Variants in ALPK1 observed in about 807,000 individuals in gnomAD.
The protein encoded by ALPK1 is alpha-protein kinase 1.
A neutral mutation model predicts 120.6 loss-of-function variants in ALPK1; 110 were observed. The ratio of observed to expected loss-of-function variants is 0.91; its 90% confidence interval spans 0.78 to 1.07. The LOEUF (loss-of-function observed/expected upper bound fraction) is 1.07, where lower values mean the gene tolerates loss of function less well. ALPK1 is among the 50% of genes least tolerant of loss of function. ALPK1 has a pLI of 0.00. For synonymous variants in ALPK1, 582 were observed against 560.3 expected (o/e 1.04, Z -0.55); for missense variants, 1,498 against 1,483.9 (o/e 1.01, Z -0.16).
chr4:112,347,734 A>T (rs1451534377), intron 2 of ALPK1, among the ~76,000 whole-genome samples: 2 of 152,258 alleles, frequency 1.3e-5, no homozygotes, highest in African/African-American at 4.8e-5. Flanking sequence ...AGAAGTTTAC[A>T]GATACAGTGC....
At chr4:112,304,177 C>A (rs928384685) in intron 1 of ALPK1, among the ~76,000 whole-genome samples, 1 of 151,334 alleles carries the variant, frequency 6.6e-6, no homozygotes, top group African/African-American at 2.5e-5. Context: ...GGTTCCAAGT[C>A]TTTGCTATTG....
In ALPK1 at chr4:112,345,792, T is replaced by A. The variant is rs140891943; in HGVS notation, c.-101+29940T>A. On this transcript the variant is annotated intron_variant, in intron 2 of 15. Transcript: ENST00000650871. ...TTTACATCTTTAATTTCTCCCCAGCTCCATGCCTCAAATTCTTTTGAAACA... is the reference window on the plus strand; with the variant it reads ...TTTACATCTTTAATTTCTCCCCAGCACCATGCCTCAAATTCTTTTGAAACA... 6.8e-4 allele frequency among the ~76,000 whole-genome samples: 103 copies of A among 152,328 alleles called. 1 individual carries two copies. The East Asian group carries it at 0.018, about 26-fold the overall frequency.
chr4:112,376,993 G>A (rs1272828012), intron 2 of ALPK1, among the ~76,000 whole-genome samples: 5 of 151,906 alleles, frequency 3.3e-5, no homozygotes, highest in East Asian at 1.9e-4. Flanking sequence ...TTACCTTGAC[G>A]GCAGTAGCTC....
chr4:112,382,922 G>T (rs532804829), intron 4 of ALPK1: 93 of 249,904 alleles, frequency 3.7e-4, no homozygotes, highest in Middle Eastern at 3.1e-3. Context: ...AAAAGTAAAT[G>T]CACCCTTGTT....
chr4:112,436,459 T>C (rs1307899992), intron 12 of ALPK1, among the ~76,000 whole-genome samples: 2 of 152,182 alleles, frequency 1.3e-5, no homozygotes, highest in Admixed American at 6.5e-5. Context: ...ACGATCTTAC[T>C]TGGAAGTAGA....
intron 2 of ALPK1, among the ~76,000 whole-genome samples, chr4:112,368,134 T>G (rs183062012): frequency 6.6e-6 from 1 of 152,332 alleles, no homozygotes; most frequent in East Asian, 1.9e-4. Context: ...GCCAGGCTGC[T>G]CTCGAACTCC....
intron 1 of ALPK1, among the ~76,000 whole-genome samples, chr4:112,308,625 T>C (rs969460808): frequency 2.0e-5 from 3 of 152,110 alleles, no homozygotes; most frequent in Non-Finnish European, 2.9e-5. Flanking sequence ...TTCTCTACAC[T>C]GGTTATTCTA....
intron 2 of ALPK1, among the ~76,000 whole-genome samples, chr4:112,348,714 G>A (rs945719055): frequency 5.9e-5 from 9 of 152,198 alleles, no homozygotes; most frequent in African/African-American, 1.7e-4. Flanking sequence ...AAGACCCATC[G>A]GCTGCTGGTG....
Position 112,441,110 on chromosome 4 carries a change from G to A in ALPK1, c.3727+5G>A. 6.2e-7 allele frequency: 1 copy of A among 1,613,918 alleles called. No homozygotes were observed. ...GACCTTCAATGGAGAAACCATGTAA[G>A]TCATAGGCTGTATGGATTGGTAATG... On this transcript the variant is annotated splice_donor_5th_base_variant and intron_variant, in intron 15 of 15. Transcript: ENST00000650871.
At chr4:112,381,300 G>A (rs1420376929) in intron 3 of ALPK1, among the ~76,000 whole-genome samples, 2 of 152,160 alleles carry the variant, frequency 1.3e-5, no homozygotes, top group East Asian at 1.9e-4. Flanking sequence ...CAGATTCGGG[G>A]AACTTAGTAA....
intron 2 of ALPK1, among the ~76,000 whole-genome samples, chr4:112,345,315 A>T (rs545367955): frequency 6.6e-6 from 1 of 152,366 alleles, no homozygotes; most frequent in South Asian, 2.1e-4. Flanking sequence ...CTAAGTACAT[A>T]CTAACAGGAC....
chr4:112,332,269 A>G (rs1167616085), intron 2 of ALPK1, among the ~76,000 whole-genome samples: 1 of 152,206 alleles, frequency 6.6e-6, no homozygotes, highest in Non-Finnish European at 1.5e-5. Context: ...CCTGTATAAT[A>G]CTGAAAGTCC....
At chr4:112,430,034 A>T (rs1171002517) in intron 10 of ALPK1, among the ~76,000 whole-genome samples, 1 of 152,166 alleles carries the variant, frequency 6.6e-6, no homozygotes, top group Non-Finnish European at 1.5e-5. Context: ...CCAATGCCCT[A>T]TTGTTTCGAC....
chr4:112,421,932 T>C (rs926676452), intron 5 of ALPK1, among the ~76,000 whole-genome samples: 2 of 152,224 alleles, frequency 1.3e-5, no homozygotes, highest in Non-Finnish European at 2.9e-5. Context: ...GGAAGCACTT[T>C]ACAGCTTCTC....
chr4:112,429,235 C>G lies in ALPK1; in HGVS notation c.882C>G (p.Leu294=), dbSNP rs1734415363. The change falls in exon 10 of 16, where the codon CTC becomes CTG. Residue 294 remains leucine, a synonymous_variant. Transcript: ENST00000650871. ...CTGCCTTCAGTGCCTATACGCCGCT[C>G]TTCGTGCTCACAGCTGTGGTAAACG... ...LAAAFSAYTP[L]FVLTAVNIRG... 1 of 1,612,344 alleles carries G rather than the reference C, an allele frequency of 6.2e-7. No individual in the cohort carries two copies. The highest frequency in any genetic ancestry group is 1.3e-5 in the African/African-American group (1 of 74,938).
At chr4:112,306,385 C>T (rs191737558) in intron 1 of ALPK1, among the ~76,000 whole-genome samples, 3,036 of 152,038 alleles carry the variant, frequency 0.02, 121 homozygotes, top group African/African-American at 0.069. Flanking sequence ...GTCCTGGACT[C>T]TTTTTGGTTG....
chr4:112,420,663 C>G (rs1284019425), intron 5 of ALPK1, among the ~76,000 whole-genome samples: 1 of 152,140 alleles, frequency 6.6e-6, no homozygotes, highest in Non-Finnish European at 1.5e-5. Flanking sequence ...TCATATTAAT[C>G]TAAAATCTAG....
At position 112,441,433 on chromosome 4, in the gene ALPK1, GC is replaced by G; in HGVS notation, c.*227del. On this transcript the variant is annotated 3_prime_UTR_variant, in exon 16 of 16. Coordinates refer to ENST00000650871, the MANE Select transcript of ALPK1 (RefSeq NM_025144.4). ...TGCAAGGAAAGCAACATGGAAAACA[GC>G]CCCAACTCACCCATGAGGGATGAAA... 1.7e-6 allele frequency: 1 copy of G among 597,938 alleles called. No individual in the cohort carries two copies. Among genetic ancestry groups the G allele is most frequent in the Non-Finnish European group, 3.0e-6 (1 of 334,978 alleles). The allele number at this position is 597,938 out of a possible 1,614,324, so 37.0% of individuals were successfully genotyped here.
At chr4:112,393,880 AT>A (rs1455355153) in intron 4 of ALPK1, among the ~76,000 whole-genome samples, 1 of 152,080 alleles carries the variant, frequency 6.6e-6, no homozygotes, top group East Asian at 1.9e-4. Context: ...CTTCTGTTAT[AT>A]TTTTTAGATC....
Sources: gnomAD v4.1 joint callset for allele counts (sites outside exome capture counted in the v4.1 genomes callset) on GRCh38, gnomAD v4.1.1 for gene constraint, MANE v1.5 for transcripts, NCBI Gene and HGNC (gene_info 2026-07-23, HGNC 2026-07-21) for gene names.